The following CFAP43 variants were observed in gnomAD, a reference collection of about 807,000 sequenced individuals.
The protein encoded by CFAP43 is cilia- and flagella-associated protein 43.
Under a neutral mutation model 218.9 loss-of-function variants are expected in CFAP43, and 155 were observed. The ratio of observed to expected loss-of-function variants is 0.71; its 90% confidence interval spans 0.62 to 0.81. The LOEUF (loss-of-function observed/expected upper bound fraction) is 0.81, where lower values mean the gene tolerates loss of function less well. Among genes scored for constraint, CFAP43 ranks in the 30% least tolerant of loss-of-function variants. The pLI is 0.00. For missense variants in CFAP43, 1,778 were observed against 1,954.3 expected, an observed-to-expected ratio of 0.91 and a Z score of 1.70; for synonymous variants, 645 against 681.3, an observed-to-expected ratio of 0.95 and a Z score of 0.83.
intron 19 of CFAP43, among the ~76,000 whole-genome samples, chr10:104,177,221 T>G (rs1262394925): frequency 6.6e-6 from 1 of 151,296 alleles, no homozygotes; most frequent in Non-Finnish European, 1.5e-5. Flanking sequence ...ATGGGAAAAC[T>G]GAAGAGAGAA....
At chr10:104,154,355 A>G (rs969295097) in intron 27 of CFAP43, among the ~76,000 whole-genome samples, 2 of 152,246 alleles carry the variant, frequency 1.3e-5, no homozygotes, top group African/African-American at 4.8e-5. Context: ...TAATGGAGAA[A>G]GAGGTTTAGC....
chr10:104,175,549 A>ATGATGGGC (rs1417770178), intron 19 of CFAP43, among the ~76,000 whole-genome samples: 1 of 152,258 alleles, frequency 6.6e-6, no homozygotes, highest in Non-Finnish European at 1.5e-5. Flanking sequence ...ATTTGTAGAC[A>ATGATGGGC]TGATGGGCTG....
chr10:104,139,441 T>C (rs1488638324), intron 34 of CFAP43, among the ~76,000 whole-genome samples: 1 of 152,176 alleles, frequency 6.6e-6, no homozygotes, highest in African/African-American at 2.4e-5. Flanking sequence ...AGACACATTG[T>C]GTTCAAACTG....
Position 104,130,201 on chromosome 10 carries a change from T to TTGAAA in CFAP43, c.4931_4935dup (p.Ile1646PhefsTer11). ...AATCTTTCAACTTCAGTCTGTAGTA[T>TTGAAA]TGAAATCTGTTCAGCTTGTTGTTTT... On this transcript the variant is annotated frameshift_variant, in exon 38 of 38. Transcript: ENST00000357060. LOFTEE classifies it high-confidence loss of function. The TTGAAA allele has an allele frequency of 6.2e-7, 1 of 1,612,742 alleles. No individual in the cohort carries two copies. The highest frequency in any genetic ancestry group is 2.2e-5 in the East Asian group (1 of 44,806).
chr10:104,198,013 C>G lies in CFAP43; in HGVS notation c.1121G>C (p.Gly374Ala). 2.5e-6 allele frequency: 4 copies of G among 1,612,038 alleles called. No individual in the cohort carries two copies. Among genetic ancestry groups the G allele is most frequent in the Non-Finnish European group, 2.5e-6 (3 of 1,178,478 alleles). ...DKGSVYIYTFGKEPTLNKVLD... is the reference protein window; with the variant it reads ...DKGSVYIYTFAKEPTLNKVLD... ...GACTTTATTTAAGGTTGGCTCCTTA[C>G]CAAAAGTGTAGATATAAACAGATCC... is the stretch of plus-strand genomic sequence containing the variant. The change falls in exon 9 of 38, where the codon GGT (glycine) becomes GCT (alanine). Residue 374 changes from glycine (G) to alanine (A), a missense_variant. Around this residue, in one of 3 missense-constraint regions of CFAP43, gnomAD observed 1,553 missense variants for 1,685.2 expected, o/e 0.92. Coordinates refer to ENST00000357060, the MANE Select transcript of CFAP43 (RefSeq NM_025145.7).
intron 27 of CFAP43, among the ~76,000 whole-genome samples, chr10:104,154,972 G>A (rs558618794): frequency 1.1e-4 from 16 of 152,294 alleles, no homozygotes; most frequent in African/African-American, 3.8e-4. Context: ...TGGAGGGGGC[G>A]CTCTTTAGGA....
chr10:104,198,183 C>G (rs985767700), intron 8 of CFAP43, 145 bp from the exon 9 acceptor site: 2 of 467,746 alleles, frequency 4.3e-6, no homozygotes, highest in African/African-American at 4.0e-5. Context: ...AGACCTTGAC[C>G]CTGAAGGGCT....
At chr10:104,151,236 T>C (rs1330174288) in intron 28 of CFAP43, among the ~76,000 whole-genome samples, 2 of 152,222 alleles carry the variant, frequency 1.3e-5, no homozygotes, top group African/African-American at 4.8e-5. Context: ...ATAGAACAAT[T>C]TATATTCCTT....
Position 104,197,912 on chromosome 10 carries a change from T to C in CFAP43, c.1212+10A>G. 6.5e-7 allele frequency: 1 copy of C among 1,545,468 alleles called. No homozygotes were observed. Among genetic ancestry groups the C allele is most frequent in the Non-Finnish European group, 8.9e-7 (1 of 1,120,282 alleles). ...TTAGTCCTACTGTGACACAGTAAAATATTCTTTACCATGAAGTATTGGGTT... is the reference window on the plus strand; with the variant it reads ...TTAGTCCTACTGTGACACAGTAAAACATTCTTTACCATGAAGTATTGGGTT... On this transcript the variant is annotated intron_variant, in intron 9 of 37. Coordinates refer to ENST00000357060, the MANE Select transcript of CFAP43 (RefSeq NM_025145.7).
Position 104,212,005 on chromosome 10 carries a change from A to G in CFAP43, c.735+2T>C. 1 of 1,610,824 alleles carries G rather than the reference A, an allele frequency of 6.2e-7. No homozygotes were observed. Among genetic ancestry groups the G allele is most frequent in the African/African-American group, 1.3e-5 (1 of 74,924 alleles). On this transcript the variant is annotated splice_donor_variant, in intron 5 of 37. Transcript: ENST00000357060. LOFTEE classifies it high-confidence loss of function. ...AAACAGGAAGAGGTGCCAGGTAATTACCCGGAAAGTCTCTGCCTCTTTGCC... is the reference window on the plus strand; with the variant it reads ...AAACAGGAAGAGGTGCCAGGTAATTGCCCGGAAAGTCTCTGCCTCTTTGCC...
At chr10:104,217,185 AC>A (rs1352285935) in intron 3 of CFAP43, among the ~76,000 whole-genome samples, 2 of 152,178 alleles carry the variant, frequency 1.3e-5, no homozygotes, top group Non-Finnish European at 2.9e-5. Context: ...TTAGCCAGGC[AC>A]ATATGGCCAC....
chr10:104,210,851 C>T (rs557609905), intron 5 of CFAP43, among the ~76,000 whole-genome samples: 64 of 125,142 alleles, frequency 5.1e-4, no homozygotes, highest in Non-Finnish European at 8.9e-4. Flanking sequence ...AGTGCAGTGG[C>T]GTGATCTCGA....
Position 104,230,164 on chromosome 10 carries a change from G to A in CFAP43, c.319+426C>T, listed in dbSNP as rs768305896. On this transcript the variant is annotated intron_variant, in intron 2 of 37. Coordinates refer to ENST00000357060, the MANE Select transcript of CFAP43 (RefSeq NM_025145.7). Reference sequence around the variant, plus strand: ...TCAGCTTGATTCCTTCTTTAAAAATGTATATTAAAAAAAAAAATGGGGCCA... The same window carrying A: ...TCAGCTTGATTCCTTCTTTAAAAATATATATTAAAAAAAAAAATGGGGCCA... Among the ~76,000 whole-genome samples, 22 of 148,080 alleles carry A rather than the reference G, an allele frequency of 1.5e-4. No individual in the cohort carries two copies. In the Middle Eastern group the frequency reaches 0.017, roughly 115 times the overall value.
At chr10:104,139,774 T>C (rs190975948) in intron 34 of CFAP43, among the ~76,000 whole-genome samples, 172 of 114,206 alleles carry the variant, frequency 1.5e-3, no homozygotes, top group Non-Finnish European at 3.0e-3. Context: ...AGATGGAAAT[T>C]TGGATCTACA....
intron 33 of CFAP43, 103 bp downstream of exon 33, chr10:104,142,178 G>T: frequency 1.2e-6 from 1 of 843,350 alleles, no homozygotes. Context: ...GAAGGGAGAT[G>T]GCTGTAAAGC....
rs1272787768 is a variant in CFAP43, at chr10:104,200,669, TC to T, written c.1096-2632del. Among the ~76,000 whole-genome samples the T allele has an allele frequency of 1.5e-4, 8 of 52,510 alleles. No homozygotes were observed. The East Asian group carries it at 4.6e-3, about 30-fold the overall frequency. 34.4% of individuals were successfully genotyped at this position (52,510 alleles called of 152,430 possible). A position where few individuals can be genotyped will look rare whatever the true frequency, so the allele number is the denominator to read the frequency against. On this transcript the variant is annotated intron_variant, in intron 8 of 37. Coordinates refer to ENST00000357060, the MANE Select transcript of CFAP43 (RefSeq NM_025145.7). ...CTGGGTGACAGAGCAAGACTCTGTC[TC>T]AAAAAAAAAAAAAAAAAAAAAAAAA...
At chr10:104,165,067 A>G (rs2089083712) in intron 23 of CFAP43, among the ~76,000 whole-genome samples, 1 of 152,224 alleles carries the variant, frequency 6.6e-6, no homozygotes, top group African/African-American at 2.4e-5. Context: ...GTATTTGGAG[A>G]ATCTGCCAGA....
intron 35 of CFAP43, chr10:104,132,623 C>G: frequency 1.0e-6 from 1 of 984,820 alleles, no homozygotes; most frequent in Non-Finnish European, 1.2e-6. Flanking sequence ...TCAAAAAAAA[C>G]AAAAAAAGAT....
chr10:104,146,488 A>T, intron 29 of CFAP43, 139 bp from the exon 30 acceptor site: 1 of 637,800 alleles, frequency 1.6e-6, no homozygotes, highest in Non-Finnish European at 2.7e-6. Context: ...TGAAGATAAG[A>T]TTTATAGAAG....
Sources: gnomAD v4.1 joint callset for allele counts (sites outside exome capture counted in the v4.1 genomes callset) on GRCh38, gnomAD v4.1.1 for gene constraint, gnomAD v4.1.1 regional missense constraint, MANE v1.5 for transcripts, NCBI Gene and HGNC (gene_info 2026-07-23, HGNC 2026-07-21) for gene names.